LARP1B: variants seen among roughly 807,000 people sequenced by gnomAD.
LARP1B encodes the protein la-related protein 1B.
LARP1B carries 76 observed loss-of-function variants against 114.2 expected under a neutral mutation model. That is an observed-to-expected ratio of 0.67 (90% CI 0.55 to 0.81). The LOEUF (loss-of-function observed/expected upper bound fraction) is 0.81. Ranked by LOEUF, LARP1B falls within the 30% of genes least tolerant of loss-of-function variation. The pLI is 0.00. For synonymous variants in LARP1B, 345 were observed against 348.0 expected (o/e 0.99, Z 0.10); for missense variants, 1,014 against 1,075.8 (o/e 0.94, Z 0.80).
At chr4:128,124,196 C>T (rs917059704) in intron 11 of LARP1B, among the ~76,000 whole-genome samples, 4 of 152,262 alleles carry the variant, frequency 2.6e-5, no homozygotes, top group Non-Finnish European at 5.9e-5. Flanking sequence ...CTAGAACCTA[C>T]AGCTAACTGG....
intron 8 of LARP1B, among the ~76,000 whole-genome samples, chr4:128,102,855 C>G (rs1275756243): frequency 6.6e-6 from 1 of 152,120 alleles, no homozygotes; most frequent in East Asian, 1.9e-4. Context: ...AATATAATAT[C>G]AGCCTCAGAA....
At chr4:128,084,261 GC>G (rs552304253) in intron 5 of LARP1B, among the ~76,000 whole-genome samples, 1,534 of 152,260 alleles carry the variant, frequency 0.01, 6 homozygotes, top group Middle Eastern at 0.017. Flanking sequence ...ACTTTGGGAG[GC>G]CAAGGCAGGC....
At chr4:128,081,378 C>A (rs1273741734) in intron 4 of LARP1B, among the ~76,000 whole-genome samples, 2 of 110,690 alleles carry the variant, frequency 1.8e-5, no homozygotes, top group African/African-American at 3.4e-5. Flanking sequence ...TGCGCCCGGC[C>A]TTTTTTTTTT....
intron 13 of LARP1B, among the ~76,000 whole-genome samples, chr4:128,177,866 A>C (rs1746877419): frequency 6.6e-6 from 1 of 152,130 alleles, no homozygotes; most frequent in Non-Finnish European, 1.5e-5. Context: ...CATGTTCAGC[A>C]ATGTTGATCA....
In LARP1B at chr4:128,114,616, G is replaced by GA; in HGVS notation, c.1040dup (p.Asn347LysfsTer3). On this transcript the variant is annotated frameshift_variant, in exon 10 of 20. Transcript: ENST00000326639. LOFTEE classifies it high-confidence loss of function. ...GAATTGGAAGCCCATTGAGCCCAAA[G>GA]AAAAACAGTGAAACAAGTATTCTTC... 1 of 1,613,766 alleles carries GA rather than the reference G, an allele frequency of 6.2e-7. No homozygotes were observed. Among genetic ancestry groups the GA allele is most frequent in the Non-Finnish European group, 8.5e-7 (1 of 1,179,816 alleles).
chr4:128,212,553 A>G (rs995910141), downstream of LARP1B, among the ~76,000 whole-genome samples: 3 of 152,116 alleles, frequency 2.0e-5, no homozygotes, highest in Non-Finnish European at 4.4e-5. Flanking sequence ...AGGCTGAGAC[A>G]GGAGAATCGC....
chr4:128,140,128 T>G (rs1727343570), intron 11 of LARP1B, among the ~76,000 whole-genome samples: 1 of 152,254 alleles, frequency 6.6e-6, no homozygotes, highest in Non-Finnish European at 1.5e-5. Flanking sequence ...ATTTAAAATG[T>G]ACATCTTGTA....
At chr4:128,182,241 G>A (rs1006086762) in intron 15 of LARP1B, among the ~76,000 whole-genome samples, 8 of 151,556 alleles carry the variant, frequency 5.3e-5, no homozygotes, top group African/African-American at 1.9e-4. Context: ...AGCCTCCTGA[G>A]TAGCTGGAAC....
At chr4:128,183,680 A>AT (rs1749340071) in intron 15 of LARP1B, among the ~76,000 whole-genome samples, 1 of 152,206 alleles carries the variant, frequency 6.6e-6, no homozygotes, top group South Asian at 2.1e-4. Flanking sequence ...TAGAATATTC[A>AT]TATATAGTAT....
chr4:128,112,833 G>C (rs1297656532), intron 9 of LARP1B, among the ~76,000 whole-genome samples: 2 of 152,028 alleles, frequency 1.3e-5, no homozygotes, highest in Non-Finnish European at 2.9e-5. Context: ...ACAATATATA[G>C]TCTTTTATAA....
chr4:128,162,159 C>T, intron 11 of LARP1B, 35 bp from the exon 12 acceptor site: 1 of 1,600,750 alleles, frequency 6.2e-7, no homozygotes, highest in Non-Finnish European at 8.5e-7. Flanking sequence ...CTCTGTTAGC[C>T]AGTTTAGTAA....
chr4:128,066,165 C>CTTTTTCTT (rs1762730880), intron 1 of LARP1B, among the ~76,000 whole-genome samples: 1 of 99,188 alleles, frequency 1.0e-5, no homozygotes. Flanking sequence ...TTTCTTTCTT[C>CTTTTTCTT]TTTTTTTTTT....
chr4:128,212,912 C>CTTT (rs1174891101), downstream of LARP1B, among the ~76,000 whole-genome samples: 1,909 of 83,622 alleles, frequency 0.023, 29 homozygotes, highest in Middle Eastern at 0.039. Flanking sequence ...AAATCTCTCT[C>CTTT]TTTTTTTTTT....
At chr4:128,199,957 G>T (rs995076974) in intron 16 of LARP1B, among the ~76,000 whole-genome samples, 1 of 152,106 alleles carries the variant, frequency 6.6e-6, no homozygotes, top group African/African-American at 2.4e-5. Context: ...GTGATGGCAG[G>T]CGCCTGTAAT....
chr4:128,094,381 C>CTTTTT (rs983424622), intron 7 of LARP1B, among the ~76,000 whole-genome samples: 1 of 148,224 alleles, frequency 6.7e-6, no homozygotes, highest in East Asian at 2.0e-4. Context: ...AGGTTTTTTC[C>CTTTTT]TTTTTTCTTT....
chr4:128,146,724 T>A (rs1478582018), intron 11 of LARP1B, among the ~76,000 whole-genome samples: 7 of 152,158 alleles, frequency 4.6e-5, no homozygotes, highest in Non-Finnish European at 1.0e-4. Flanking sequence ...GCATGTGGTG[T>A]TCATTGTATT....
chr4:128,069,793 A>AT (rs929898003), intron 1 of LARP1B, among the ~76,000 whole-genome samples: 2 of 151,882 alleles, frequency 1.3e-5, no homozygotes, highest in African/African-American at 2.4e-5. Flanking sequence ...AAAAATACTG[A>AT]TTTTTTTCTG....
intron 5 of LARP1B, among the ~76,000 whole-genome samples, chr4:128,084,750 C>A (rs1772713401): frequency 6.6e-6 from 1 of 151,980 alleles, no homozygotes. Flanking sequence ...ACTTTGATTA[C>A]CCCTGTAACT....
At chr4:128,135,434 A>G (rs950972755) in intron 11 of LARP1B, among the ~76,000 whole-genome samples, 2 of 152,186 alleles carry the variant, frequency 1.3e-5, no homozygotes, top group Non-Finnish European at 1.5e-5. Flanking sequence ...ATATCCAAAA[A>G]AATGAAGGCA....
Sources: gnomAD v4.1 joint callset for allele counts (sites outside exome capture counted in the v4.1 genomes callset) on GRCh38, gnomAD v4.1.1 for gene constraint, MANE v1.5 for transcripts, NCBI Gene and HGNC (gene_info 2026-07-23, HGNC 2026-07-21) for gene names.